The following SDR16C5 variants were observed in gnomAD, a reference collection of about 807,000 sequenced individuals.
The protein encoded by SDR16C5 is epidermal retinol dehydrogenase 2.
A neutral mutation model predicts 27.7 loss-of-function variants in SDR16C5; 20 were observed. That is an observed-to-expected ratio of 0.72 (90% confidence interval 0.51 to 1.05). The LOEUF is 1.05. Among genes scored for constraint, SDR16C5 ranks in the 50% least tolerant of loss-of-function variants. The probability of loss-of-function intolerance (pLI) is 0.00; values close to 1 mark genes in which losing one functional copy is unlikely to be tolerated. For synonymous variants in SDR16C5, 139 were observed against 132.3 expected (o/e 1.05, Z -0.35); for missense variants, 374 against 366.3 (o/e 1.02, Z -0.17).
chr8:56,307,510 T>C (rs1211836006), intron 4 of SDR16C5, among the ~76,000 whole-genome samples: 1 of 152,238 alleles, frequency 6.6e-6, no homozygotes, highest in Non-Finnish European at 1.5e-5. Context: ...ATTAACACTT[T>C]CCTTTGCTCC....
intron 1 of SDR16C5, among the ~76,000 whole-genome samples, 186 bp from the exon 2 acceptor site, chr8:56,316,547 G>A (rs971223331): frequency 3.3e-5 from 5 of 152,300 alleles, no homozygotes; most frequent in Admixed American, 2.0e-4. Context: ...ATACTTATTC[G>A]GCTTTCTTAC....
Position 56,308,810 on chromosome 8 carries a change from C to A in SDR16C5, c.565+118G>T, listed in dbSNP as rs1198356992. ...AGTTATCAACCACTTATTGACTATA[C>A]TTTTTAGTTTATTATCCTTTATCTT... is the stretch of plus-strand genomic sequence containing the variant. On this transcript the variant is annotated intron_variant, in intron 4 of 6. Coordinates refer to ENST00000303749, the MANE Select transcript of SDR16C5 (RefSeq NM_138969.4). 1.4e-5 allele frequency: 9 copies of A among 656,166 alleles called. No individual in the cohort carries two copies. In the Admixed American group the frequency reaches 1.8e-4, roughly 13 times the overall value. 40.6% of individuals were successfully genotyped at this position (656,166 alleles called of 1,614,324 possible). A position where few individuals can be genotyped will look rare whatever the true frequency, so the allele number is the denominator to read the frequency against.
At position 56,301,217 on chromosome 8, in the gene SDR16C5, T is replaced by G. The variant is rs999484634; in HGVS notation, c.*263A>C. 97 of 354,644 alleles carry G rather than the reference T, an allele frequency of 2.7e-4. 1 individual carries two copies. Among genetic ancestry groups the G allele is most frequent in the African/African-American group, 1.9e-3 (91 of 47,944 alleles). 22.0% of individuals were successfully genotyped at this position (354,644 alleles called of 1,614,324 possible). A position where few individuals can be genotyped will look rare whatever the true frequency, so the allele number is the denominator to read the frequency against. ...GGCCATGGCTTATCACTTTCTTACA[T>G]CTGTGGTAATGGAAATGACAAAAAT... On this transcript the variant is annotated 3_prime_UTR_variant, in exon 7 of 7. Transcript: ENST00000303749.
intron 1 of SDR16C5, among the ~76,000 whole-genome samples, chr8:56,317,524 T>A (rs1424888901): frequency 6.6e-6 from 1 of 152,002 alleles, no homozygotes; most frequent in Admixed American, 6.5e-5. Context: ...CTGAATGGGG[T>A]GTTTAATTGA....
Position 56,307,977 on chromosome 8 carries a change from G to A in SDR16C5, c.565+951C>T, listed in dbSNP as rs115554310. On this transcript the variant is annotated intron_variant, in intron 4 of 6. Coordinates refer to ENST00000303749, the MANE Select transcript of SDR16C5 (RefSeq NM_138969.4). ...TATACCTGAATGATTTCAAAGGCCC[G>A]TGACAACAGATATATAAGAGGGAGG... Among the ~76,000 whole-genome samples, 353 of 152,228 alleles carry A rather than the reference G, an allele frequency of 2.3e-3. 1 individual carries two copies. The highest frequency in any genetic ancestry group is 8.3e-3 in the African/African-American group (343 of 41,538).
At chr8:56,313,688 C>A (rs924276334) in intron 2 of SDR16C5, among the ~76,000 whole-genome samples, 2 of 152,182 alleles carry the variant, frequency 1.3e-5, no homozygotes, top group Non-Finnish European at 2.9e-5. Context: ...TGGTGCACGA[C>A]TGTATATATT....
rs1360889181 is a variant in SDR16C5 at position 56,312,212 on chromosome 8, C to T, written c.410G>A (p.Cys137Tyr). ...GIVTGKKFLD[C>Y]PDELMEKSFD... is the part of the protein sequence containing the mutation. ...TGACTTTTCCATAAGCTCATCTGGA[C>T]AGTCAAGGAACTTTTTGCCTGTTAC... is the stretch of plus-strand genomic sequence containing the variant. Residue 137 changes from cysteine to tyrosine, a missense_variant, in exon 3 of 7, where the codon TGT becomes TAT. Coordinates refer to ENST00000303749, the MANE Select transcript of SDR16C5 (RefSeq NM_138969.4). 6.2e-7 allele frequency: 1 copy of T among 1,612,752 alleles called. No individual in the cohort carries two copies.
At chr8:56,315,957 G>A in intron 2 of SDR16C5, 58 bp downstream of exon 2, 1 of 1,178,560 alleles carries the variant, frequency 8.5e-7, no homozygotes, top group Non-Finnish European at 1.2e-6. Flanking sequence ...ACTGAGAAAG[G>A]CAAGTGAAAA....
intron 4 of SDR16C5, among the ~76,000 whole-genome samples, chr8:56,307,197 A>G (rs1814908274): frequency 6.6e-6 from 1 of 152,244 alleles, no homozygotes; most frequent in Non-Finnish European, 1.5e-5. Flanking sequence ...AAGAAGAAAT[A>G]AAACACTAAG....
chr8:56,312,299 T>TA lies in SDR16C5; in HGVS notation c.334-12dup, dbSNP rs775713911. 2 of 1,611,046 alleles carry TA rather than the reference T, an allele frequency of 1.2e-6. No homozygotes were observed. The highest frequency in any genetic ancestry group is 1.7e-6 in the Non-Finnish European group (2 of 1,177,134). ...GACTTCTTTTTTAACCTGAATTGAA[T>TA]AAGAGCAACACCACCAATGTAGTAA... On this transcript the variant is annotated splice_polypyrimidine_tract_variant and intron_variant, in intron 2 of 6. Transcript: ENST00000303749.
chr8:56,310,868 G>A (rs192712949), intron 3 of SDR16C5, among the ~76,000 whole-genome samples: 54 of 152,268 alleles, frequency 3.5e-4, no homozygotes, highest in Non-Finnish European at 6.5e-4. Context: ...AGTAGTTCTT[G>A]TAGGAACATG....
intron 4 of SDR16C5, among the ~76,000 whole-genome samples, chr8:56,308,540 A>G (rs1252387761): frequency 1.3e-5 from 2 of 152,210 alleles, no homozygotes; most frequent in East Asian, 3.8e-4. Context: ...ATCCAAACTC[A>G]CAGCAGTGGG....
chr8:56,301,459 C>T lies in SDR16C5; in HGVS notation c.*21G>A, dbSNP rs1323693668. 1.3e-6 allele frequency: 2 copies of T among 1,547,354 alleles called. No individual in the cohort carries two copies. Among genetic ancestry groups the T allele is most frequent in the Non-Finnish European group, 8.9e-7 (1 of 1,119,138 alleles). On this transcript the variant is annotated 3_prime_UTR_variant, in exon 7 of 7. Coordinates refer to ENST00000303749, the MANE Select transcript of SDR16C5 (RefSeq NM_138969.4). ...TTATGTAACACTGTGTATCAGATGA[C>T]CTTAGCCATAGAGTTGGTCTTTAGA...
At chr8:56,317,855 C>T (rs1341617832) in intron 1 of SDR16C5, among the ~76,000 whole-genome samples, 3 of 152,082 alleles carry the variant, frequency 2.0e-5, no homozygotes, top group South Asian at 2.1e-4. Context: ...GAGTATCCAC[C>T]CTGTGCTGGT....
intron 1 of SDR16C5, among the ~76,000 whole-genome samples, chr8:56,319,757 G>A (rs910209780): frequency 2.0e-5 from 3 of 152,162 alleles, no homozygotes; most frequent in Non-Finnish European, 2.9e-5. Context: ...AAGAGGGTCC[G>A]GGGAGGCATC....
chr8:56,310,590 C>T (rs936304068), intron 3 of SDR16C5, among the ~76,000 whole-genome samples: 31 of 151,976 alleles, frequency 2.0e-4, no homozygotes, highest in Admixed American at 1.5e-3. Context: ...TGGTGGCGTG[C>T]GCCCATAGTC....
rs1279214121 is a variant in SDR16C5, at chr8:56,312,276, C to G, written c.346G>C (p.Val116Leu). The change falls in exon 3 of 7, where the codon GTC becomes CTC. Residue 116 changes from valine (V) to leucine (L), a missense_variant. Physicochemically the swap from Val to Leu is conservative, Grantham distance 32. Coordinates refer to ENST00000303749, the MANE Select transcript of SDR16C5 (RefSeq NM_138969.4). ...TTGATTAGGATGGAAACATCGCCGACTTCTTTTTTAACCTGAATTGAATAA... is the reference window on the plus strand; with the variant it reads ...TTGATTAGGATGGAAACATCGCCGAGTTCTTTTTTAACCTGAATTGAATAA... ...YRVADQVKKE[V>L]GDVSILINNA... 1 of 1,613,846 alleles carries G rather than the reference C, an allele frequency of 6.2e-7. No individual in the cohort carries two copies. The highest frequency in any genetic ancestry group is 1.3e-5 in the African/African-American group (1 of 75,048).
In SDR16C5 at chr8:56,316,178, G is replaced by T. The variant is rs1201351152; in HGVS notation, c.170C>A (p.Ala57Asp). The change falls in exon 2 of 7, where the codon GCC becomes GAC. Residue 57 changes from alanine (A) to aspartate (D), a missense_variant. Physicochemically the swap from Ala to Asp is moderately radical, Grantham distance 126 (BLOSUM62 -2). Coordinates refer to ENST00000303749, the MANE Select transcript of SDR16C5 (RefSeq NM_138969.4). ...AGATCCCAGCCGGGCAAACTGCAAG[G>T]CTAAGAGCCTTCCGAGTCCACTTCC... Reference protein sequence around the residue: ...GAGSGLGRLLALQFARLGSVL... With the variant: ...GAGSGLGRLLDLQFARLGSVL... The T allele has an allele frequency of 6.8e-6, 11 of 1,614,118 alleles. No individual in the cohort carries two copies. Among genetic ancestry groups the T allele is most frequent in the Non-Finnish European group, 9.3e-6 (11 of 1,180,002 alleles).
Position 56,316,114 on chromosome 8 carries a change from C to G in SDR16C5, c.234G>C (p.Glu78Asp). The change falls in exon 2 of 7, where the codon GAG becomes GAC. Residue 78 changes from glutamate (E) to aspartate (D), a missense_variant. Coordinates refer to ENST00000303749, the MANE Select transcript of SDR16C5 (RefSeq NM_138969.4). Reference protein sequence around the residue: ...VLWDINKEGNEETCKMAREAG... With the variant: ...VLWDINKEGNDETCKMAREAG... ...CTTCCCGAGCCATCTTACATGTTTC[C>G]TCATTCCCCTCCTTATTGATATCCC... 1.9e-6 allele frequency: 3 copies of G among 1,614,108 alleles called. No individual in the cohort carries two copies. Among genetic ancestry groups the G allele is most frequent in the Non-Finnish European group, 2.5e-6 (3 of 1,179,990 alleles).
Sources: allele counts gnomAD v4.1 joint callset (sites outside exome capture counted in the v4.1 genomes callset), GRCh38; gene constraint gnomAD v4.1.1; transcripts MANE v1.5; gene names NCBI Gene and HGNC (gene_info 2026-07-23, HGNC 2026-07-21).